Variants in HSH2D observed in about 807,000 individuals in gnomAD.
HSH2D encodes hematopoietic SH2 domain-containing protein.
Under a neutral mutation model 21.5 loss-of-function variants are expected in HSH2D, and 16 were observed. That is an observed-to-expected ratio of 0.74 (90% CI 0.50 to 1.13). The LOEUF (loss-of-function observed/expected upper bound fraction) is 1.13, where lower values mean the gene tolerates loss of function less well. HSH2D is among the 50% of genes most tolerant of loss of function. The pLI is 0.00. For synonymous variants in HSH2D, 172 were observed against 184.7 expected (o/e 0.93, Z 0.56); for missense variants, 418 against 441.4 (o/e 0.95, Z 0.47).
rs142042250 is a variant in HSH2D, at chr19:16,156,580, C to T, written c.475-630C>T. 8.3e-3 allele frequency among the ~76,000 whole-genome samples: 1,257 copies of T among 152,296 alleles called. 13 individuals carry two copies. The highest frequency in any genetic ancestry group is 0.041 in the Middle Eastern group (12 of 292). On this transcript the variant is annotated intron_variant, in intron 5 of 5. Transcript: ENST00000613986. ...ATAAAGCTATATTAGAACCCAGGCA[C>T]GCTCATTGGTTCACGTGTGACCTCT...
Position 16,157,316 on chromosome 19 carries a change from C to T in HSH2D, c.581C>T (p.Ser194Phe), listed in dbSNP as rs764207746. The change falls in exon 6 of 6, where the codon TCC becomes TTC. Residue 194 changes from serine (S) to phenylalanine (F), a missense_variant. Ser to Phe is a radical substitution (Grantham distance 155). Transcript: ENST00000613986. The surrounding 1 kb of genome is among the most constrained non-coding windows in gnomAD (Gnocchi z 4.4). ...GCCACTTCCTCCTGCCCCCCAAAAT[C>T]CCCTCTTGGAGAGACCCGCCAGAAA... is the stretch of plus-strand genomic sequence containing the variant. ...KEATSSCPPK[S>F]PLGETRQKLW... is the part of the protein sequence containing the mutation. 1 of 1,613,214 alleles carries T rather than the reference C, an allele frequency of 6.2e-7. No individual in the cohort carries two copies. Among genetic ancestry groups the T allele is most frequent in the South Asian group, 1.1e-5 (1 of 91,024 alleles).
At chr19:16,143,435 T>C (rs1345645139), upstream of HSH2D, among the ~76,000 whole-genome samples, 2 of 152,114 alleles carry the variant, frequency 1.3e-5, no homozygotes, top group Admixed American at 6.6e-5. Context: ...CTTGATAGAT[T>C]ATAGATGCCA....
Position 16,157,652 on chromosome 19 carries a change from A to G in HSH2D, c.917A>G (p.Asp306Gly), listed in dbSNP as rs748374986. 1 of 1,613,568 alleles carries G rather than the reference A, an allele frequency of 6.2e-7. No individual in the cohort carries two copies. The highest frequency in any genetic ancestry group is 2.2e-5 in the East Asian group (1 of 44,852). Residue 306 changes from aspartate (D) to glycine (G), a missense_variant, in exon 6 of 6, where the codon GAC becomes GGC. Transcript: ENST00000613986. This position sits in a 1 kb window ranked among gnomAD's most constrained non-coding sequence, Gnocchi z 4.4. ...SVSCIEVTPG[D>G]RSWHQMVVRA... ...AGCTGCATTGAGGTGACCCCAGGGG[A>G]CAGGAGTTGGCACCAAATGGTAGTG...
intron 5 of HSH2D, chr19:16,154,842 C>T: frequency 5.0e-6 from 1 of 198,056 alleles, no homozygotes; most frequent in Non-Finnish European, 1.1e-5. Flanking sequence ...ATTTCTCCTT[C>T]AAGTGCCTCC....
At chr19:16,142,980 C>T (rs1315053133), upstream of HSH2D, among the ~76,000 whole-genome samples, 1 of 147,380 alleles carries the variant, frequency 6.8e-6, no homozygotes, top group South Asian at 2.2e-4. Flanking sequence ...TGTTGGCCAG[C>T]CTGGTCTCAA....
upstream of HSH2D, among the ~76,000 whole-genome samples, chr19:16,142,344 C>T (rs2091007938): frequency 1.3e-5 from 2 of 152,216 alleles, no homozygotes; most frequent in South Asian, 2.1e-4. Flanking sequence ...CCTTCCTTCA[C>T]GTCAGTTAGG....
intron 1 of HSH2D, among the ~76,000 whole-genome samples, chr19:16,147,628 GT>G (rs936878382): frequency 5.4e-5 from 8 of 147,908 alleles, no homozygotes; most frequent in African/African-American, 7.5e-5. Context: ...CAAGCCAGTG[GT>G]TTTTTTTTTG....
At position 16,153,230 on chromosome 19, in the gene HSH2D, G is replaced by T. The variant is rs1422387457; in HGVS notation, c.381+22G>T. On this transcript the variant is annotated intron_variant, in intron 4 of 5. Coordinates refer to ENST00000613986, the MANE Select transcript of HSH2D (RefSeq NM_001382417.1). ...GCAGGTGAGGGCGGGGACCCACAAG[G>T]TTCACAGCCATTTCCTTGGGGCCAA... The T allele has an allele frequency of 6.7e-6, 10 of 1,485,230 alleles. No homozygotes were observed. In the East Asian group the frequency reaches 9.9e-5, roughly 15 times the overall value. 92.0% of individuals were successfully genotyped at this position (1,485,230 alleles called of 1,614,324 possible).
Position 16,158,092 on chromosome 19 carries a change from A to G in HSH2D, c.*298A>G. On this transcript the variant is annotated 3_prime_UTR_variant, in exon 6 of 6. Coordinates refer to ENST00000613986, the MANE Select transcript of HSH2D (RefSeq NM_001382417.1). ...CAGAGCAAGGCCCTCAGGGAGGGTC[A>G]TCCTCCATGTTTTGAAGAAGAGACT... 3.3e-6 allele frequency: 1 copy of G among 306,094 alleles called. No individual in the cohort carries two copies. The highest frequency in any genetic ancestry group is 6.0e-6 in the Non-Finnish European group (1 of 166,182). 19.0% of individuals were successfully genotyped at this position (306,094 alleles called of 1,614,324 possible).
At chr19:16,142,332 C>T (rs891474236), upstream of HSH2D, among the ~76,000 whole-genome samples, 1 of 152,236 alleles carries the variant, frequency 6.6e-6, no homozygotes. Flanking sequence ...CCCTCAAATG[C>T]CCCTTCCTTC....
intron 1 of HSH2D, among the ~76,000 whole-genome samples, chr19:16,147,191 A>G (rs951853161): frequency 1.3e-5 from 2 of 152,040 alleles, no homozygotes; most frequent in South Asian, 4.1e-4. Flanking sequence ...TCCTTGCAAT[A>G]ATGGCATAAA....
chr19:16,146,906 A>G (rs1205862127), intron 1 of HSH2D, among the ~76,000 whole-genome samples: 2 of 151,096 alleles, frequency 1.3e-5, no homozygotes, highest in Non-Finnish European at 2.9e-5. Flanking sequence ...GCTCACTGCA[A>G]CCTCTGCCTC....
Position 16,154,894 on chromosome 19 carries a change from C to T in HSH2D, c.474+403C>T, listed in dbSNP as rs138328977. ...CCTAAAGCAACACCTTCTGGATTCT[C>T]CTTCACATTACCCTGTTTATTCACT... On this transcript the variant is annotated intron_variant, in intron 5 of 5. Transcript: ENST00000613986. The T allele has an allele frequency of 9.7e-5, 17 of 175,762 alleles. No homozygotes were observed. The East Asian group carries it at 2.7e-3, about 28-fold the overall frequency. The allele number at this position is 175,762 out of a possible 1,614,324, so 10.9% of individuals were successfully genotyped here.
intron 1 of HSH2D, among the ~76,000 whole-genome samples, chr19:16,136,443 T>C (rs1375997633): frequency 6.6e-6 from 1 of 152,026 alleles, no homozygotes; most frequent in African/African-American, 2.4e-5. Context: ...CCCACGGTGA[T>C]AGAGGAGCTA....
rs7254531 is a variant in HSH2D, at chr19:16,158,045, T to C, written c.*251T>C. The C allele has an allele frequency of 0.064, 28,458 of 444,704 alleles. 1,132 individuals carry two copies. The highest frequency in any genetic ancestry group is 0.11 in the African/African-American group (5,697 of 50,254). The allele number at this position is 444,704 out of a possible 1,614,324, so 27.5% of individuals were successfully genotyped here. A position where few individuals can be genotyped will look rare whatever the true frequency, so the allele number is the denominator to read the frequency against. ...TATACATCAGCCCCAGTGCCAGACC[T>C]TCTATTCATTATTTTACGCCTCAGA... On this transcript the variant is annotated 3_prime_UTR_variant, in exon 6 of 6. Transcript: ENST00000613986.
Position 16,152,839 on chromosome 19 carries a change from G to C in HSH2D, c.215+198G>C, listed in dbSNP as rs1184856585. On this transcript the variant is annotated intron_variant, in intron 3 of 5. Coordinates refer to ENST00000613986, the MANE Select transcript of HSH2D (RefSeq NM_001382417.1). ...CATGTTTTATCTGAGGCCAGCCTTT[G>C]TACTCCTGTGTTATAAATGGGGGAA... is the stretch of plus-strand genomic sequence containing the variant. 5.2e-6 allele frequency: 4 copies of C among 768,622 alleles called. No homozygotes were observed. In the East Asian group the frequency reaches 1.1e-4, roughly 20 times the overall value. 47.6% of individuals were successfully genotyped at this position (768,622 alleles called of 1,614,324 possible). A position where few individuals can be genotyped will look rare whatever the true frequency, so the allele number is the denominator to read the frequency against.
intron 5 of HSH2D, 141 bp downstream of exon 5, chr19:16,154,632 T>G: frequency 1.8e-6 from 1 of 544,614 alleles, no homozygotes; most frequent in Non-Finnish European, 3.3e-6. Context: ...CCAGTGCTTT[T>G]GCAACACCGA....
chr19:16,154,506 G>A lies in HSH2D; in HGVS notation c.474+15G>A. On this transcript the variant is annotated intron_variant, in intron 5 of 5. Transcript: ENST00000613986. ...CCCCTGAGGAGGTATGTATATGACA[G>A]GAGGCTGGCACCTCCCACCTGGCTG... 1 of 1,526,714 alleles carries A rather than the reference G, an allele frequency of 6.6e-7. No homozygotes were observed. Among genetic ancestry groups the A allele is most frequent in the Non-Finnish European group, 8.9e-7 (1 of 1,125,690 alleles). The allele number at this position is 1,526,714 out of a possible 1,614,324, so 94.6% of individuals were successfully genotyped here.
intron 1 of HSH2D, 91 bp from the exon 2 acceptor site, chr19:16,148,633 C>T (rs753714834): frequency 2.4e-5 from 32 of 1,338,360 alleles, no homozygotes; most frequent in Non-Finnish European, 3.4e-5. Flanking sequence ...GAGGACTTCT[C>T]AAAGGAGGAG....
Sources: gnomAD v4.1 joint callset for allele counts (sites outside exome capture counted in the v4.1 genomes callset) on GRCh38, gnomAD v4.1.1 for gene constraint, Gnocchi (gnomAD v3.1) non-coding constraint, MANE v1.5 for transcripts, NCBI Gene and HGNC (gene_info 2026-07-23, HGNC 2026-07-21) for gene names.